Variants in ACTR3C observed in about 807,000 individuals in gnomAD.
ACTR3C encodes actin related protein 3C, also known as actin-related protein 3C.
A neutral mutation model predicts 26.3 loss-of-function variants in ACTR3C; 18 were observed. The ratio of observed to expected loss-of-function variants is 0.68; its 90% CI spans 0.47 to 1.01. ACTR3C has a LOEUF of 1.01. Ranked by LOEUF, ACTR3C falls within the 50% of genes least tolerant of loss-of-function variation. The probability of loss-of-function intolerance (pLI) is 0.00; values close to 1 mark genes in which losing one functional copy is unlikely to be tolerated. For missense variants in ACTR3C, 184 were observed against 250.7 expected, an observed-to-expected ratio of 0.73 and a Z score of 1.80; for synonymous variants, 55 against 94.5, an observed-to-expected ratio of 0.58 and a Z score of 2.42.
chr7:150,126,660 T>G, the ACTR3C span, among the ~76,000 whole-genome samples: 87 of 152,280 alleles, frequency 5.7e-4, no homozygotes, highest in African/African-American at 2.0e-3. Flanking sequence ...GCCCAACAAG[T>G]GCTTTGTGCT....
the ACTR3C span, chr7:150,044,774 C>T: frequency 1.3e-5 from 2 of 152,126 alleles, no homozygotes; most frequent in South Asian, 4.1e-4. Flanking sequence ...GGTACAAAGC[C>T]CTAAGGATTA....
chr7:150,277,053 C>G (rs943932641), intron 6 of ACTR3C, among the ~76,000 whole-genome samples: 1 of 152,194 alleles, frequency 6.6e-6, no homozygotes, highest in African/African-American at 2.4e-5. Context: ...ATCTCAAGAA[C>G]AAAAACTGAG....
chr7:150,035,221 T>A, the ACTR3C span, among the ~76,000 whole-genome samples: 23 of 103,688 alleles, frequency 2.2e-4, no homozygotes, highest in African/African-American at 5.7e-4. Context: ...CTCCCACCTC[T>A]GCCATGGGGG....
At chr7:150,208,969 G>A in the ACTR3C span, among the ~76,000 whole-genome samples, 39 of 152,092 alleles carry the variant, frequency 2.6e-4, no homozygotes, top group African/African-American at 8.5e-4. Context: ...AAATCCTAGA[G>A]AGGAAATGGA....
At chr7:150,039,711 T>G in the ACTR3C span, among the ~76,000 whole-genome samples, 30 of 107,328 alleles carry the variant, frequency 2.8e-4, no homozygotes, top group Admixed American at 7.2e-4. Flanking sequence ...GGGAAGAGGG[T>G]CTGGCTCTCA....
intron 6 of ACTR3C, among the ~76,000 whole-genome samples, chr7:150,275,121 T>C (rs1834763384): frequency 6.6e-6 from 1 of 152,220 alleles, no homozygotes; most frequent in South Asian, 2.1e-4. Flanking sequence ...CAGACTCCTG[T>C]GTATGCCAGA....
At chr7:150,156,301 C>T in the ACTR3C span, among the ~76,000 whole-genome samples, 1 of 152,108 alleles carries the variant, frequency 6.6e-6, no homozygotes, top group Middle Eastern at 3.4e-3. Context: ...TGTGTTTAAA[C>T]TATGCACTAA....
At chr7:150,025,047 A>C in the ACTR3C span, among the ~76,000 whole-genome samples, 83 of 151,800 alleles carry the variant, frequency 5.5e-4, no homozygotes, top group African/African-American at 1.8e-3. Flanking sequence ...ATGGATAAGC[A>C]ATTGATTCTT....
At chr7:150,048,839 A>C in the ACTR3C span, among the ~76,000 whole-genome samples, 1 of 151,912 alleles carries the variant, frequency 6.6e-6, no homozygotes, top group Non-Finnish European at 1.5e-5. Context: ...CTCCCTCCGA[A>C]ACCGCCCCTT....
chr7:150,210,098 G>A, the ACTR3C span, among the ~76,000 whole-genome samples: 1 of 151,844 alleles, frequency 6.6e-6, no homozygotes, highest in Admixed American at 6.6e-5. Flanking sequence ...GAGGATATGT[G>A]GATGGAAATA....
the ACTR3C span, among the ~76,000 whole-genome samples, chr7:150,110,341 G>A: frequency 2.1e-4 from 32 of 151,164 alleles, no homozygotes; most frequent in African/African-American, 6.8e-4. Context: ...AGGATGTCTC[G>A]GAGGCATTGG....
the ACTR3C span, among the ~76,000 whole-genome samples, chr7:150,067,279 A>G: frequency 1.1e-4 from 17 of 152,218 alleles, no homozygotes; most frequent in African/African-American, 3.9e-4. Context: ...TCATTTAGAG[A>G]CAGAGAAACA....
the ACTR3C span, among the ~76,000 whole-genome samples, chr7:149,922,064 T>A: frequency 7.3e-6 from 1 of 137,262 alleles, no homozygotes; most frequent in Non-Finnish European, 1.6e-5. Flanking sequence ...GCTTGCTCAG[T>A]AACAACTCTT....
At chr7:150,031,614 G>A in the ACTR3C span, among the ~76,000 whole-genome samples, 1 of 152,144 alleles carries the variant, frequency 6.6e-6, no homozygotes, top group South Asian at 2.1e-4. Context: ...CTTCTCCAAG[G>A]AGCTCTAGGG....
chr7:150,058,242 G>A, the ACTR3C span, among the ~76,000 whole-genome samples: 3 of 152,178 alleles, frequency 2.0e-5, no homozygotes, highest in South Asian at 2.1e-4. Flanking sequence ...GGATAAGACC[G>A]GAAGGTTTTT....
At chr7:150,229,394 G>T in the ACTR3C span, among the ~76,000 whole-genome samples, 4 of 152,000 alleles carry the variant, frequency 2.6e-5, no homozygotes, top group Non-Finnish European at 5.9e-5. Flanking sequence ...ATCATTAATG[G>T]GTGCTGGTTT....
chr7:150,168,661 G>T, the ACTR3C span, among the ~76,000 whole-genome samples: 1 of 150,712 alleles, frequency 6.6e-6, no homozygotes, highest in Non-Finnish European at 1.5e-5. Context: ...TGCCAAAAAA[G>T]TTGGGGACTG....
chr7:150,150,230 G>T, the ACTR3C span, among the ~76,000 whole-genome samples: 1 of 152,188 alleles, frequency 6.6e-6, no homozygotes, highest in African/African-American at 2.4e-5. Flanking sequence ...GTGGAAGCTA[G>T]ACTGAACCCC....
downstream of ACTR3C, chr7:150,244,479 T>C (rs948868317): frequency 1.3e-5 from 2 of 152,020 alleles, no homozygotes; most frequent in African/African-American, 4.8e-5. Flanking sequence ...TCATTCAATT[T>C]TTTAAATTTA....
Sources: allele counts gnomAD v4.1 joint callset (sites outside exome capture counted in the v4.1 genomes callset), GRCh38; gene constraint gnomAD v4.1.1; transcripts MANE v1.5; gene names NCBI Gene and HGNC (gene_info 2026-07-23, HGNC 2026-07-21).